TBCD: variants seen among roughly 807,000 people sequenced by gnomAD.
The protein encoded by TBCD is tubulin folding cofactor D.
A neutral mutation model predicts 169.3 loss-of-function variants in TBCD; 105 were observed. That is an observed-to-expected ratio of 0.62 (90% CI 0.53 to 0.73). TBCD has a LOEUF of 0.73. TBCD is among the 30% of genes least tolerant of loss of function. The pLI is 0.00. For missense variants in TBCD, 1,444 were observed against 1,600.1 expected (o/e 0.90, Z 1.66); for synonymous variants, 700 against 643.9 (o/e 1.09, Z -1.32).
intron 2 of TBCD, among the ~76,000 whole-genome samples, chr17:82,758,783 C>T (rs1335081686): frequency 6.6e-6 from 1 of 151,276 alleles, no homozygotes; most frequent in African/African-American, 2.4e-5. Flanking sequence ...CCTCAGCCTC[C>T]AGCGTAGCTG....
In TBCD at chr17:82,768,450, T is replaced by C; in HGVS notation, c.466T>C (p.Trp156Arg). 6.2e-7 allele frequency: 1 copy of C among 1,613,988 alleles called. No homozygotes were observed. The highest frequency in any genetic ancestry group is 8.5e-7 in the Non-Finnish European group (1 of 1,179,870). The change falls in exon 5 of 39, where the codon TGG (tryptophan) becomes CGG (arginine). Residue 156 changes from tryptophan (W) to arginine (R), a missense_variant. Trp to Arg is a moderately radical substitution (Grantham distance 101). Coordinates refer to ENST00000355528, the MANE Select transcript of TBCD (RefSeq NM_005993.5). ...AWETRYMLLLWLSVTCLIPFD... is the reference protein window; with the variant it reads ...AWETRYMLLLRLSVTCLIPFD... ...GGAAACCCGCTACATGCTTTTGCTC[T>C]GGCTCTCCGTGACCTGCCTGATCCC...
chr17:82,870,807 C>T (rs2057504489), intron 14 of TBCD, among the ~76,000 whole-genome samples: 2 of 152,222 alleles, frequency 1.3e-5, no homozygotes, highest in South Asian at 2.1e-4. Context: ...TGGCGAGAGG[C>T]GAATTCTGTC....
Position 82,832,471 on chromosome 17 carries a change from T to C in TBCD, c.1318+17537T>C, listed in dbSNP as rs749081438. The C allele has an allele frequency of 6.2e-7, 1 of 1,603,920 alleles. No individual in the cohort carries two copies. The highest frequency in any genetic ancestry group is 8.5e-7 in the Non-Finnish European group (1 of 1,178,222). On this transcript the variant is annotated intron_variant, in intron 13 of 38. Transcript: ENST00000355528. The surrounding 1 kb of genome is among the most constrained non-coding windows in gnomAD (Gnocchi z 4.9). ...GAGACTCATTTTCCTCCTTATGCCT[T>C]GGACTCTGGCTGTCCAGGTGGCGTG...
chr17:82,863,717 C>T (rs1389094173), intron 13 of TBCD, among the ~76,000 whole-genome samples: 1 of 152,160 alleles, frequency 6.6e-6, no homozygotes, highest in East Asian at 1.9e-4. Flanking sequence ...GACTGTAAGC[C>T]TCCTCGGGAA....
Position 82,814,896 on chromosome 17 carries a change from G to A in TBCD, c.1280G>A (p.Gly427Asp). The A allele has an allele frequency of 1.2e-6, 2 of 1,613,244 alleles. No individual in the cohort carries two copies. Among genetic ancestry groups the A allele is most frequent in the South Asian group, 2.2e-5 (2 of 90,960 alleles). Residue 427 changes from glycine to aspartate, a missense_variant, in exon 13 of 39, where the codon GGC (glycine) becomes GAC (aspartate). Coordinates refer to ENST00000355528, the MANE Select transcript of TBCD (RefSeq NM_005993.5). ...HGGCLALAEL[G>D]RRGLLLPSRL... ...GGATGTCTGGCGCTGGCAGAGCTGGGCAGGAGAGGCCTGTTGCTGCCGTCT... is the reference window on the plus strand; with the variant it reads ...GGATGTCTGGCGCTGGCAGAGCTGGACAGGAGAGGCCTGTTGCTGCCGTCT...
chr17:82,815,860 C>A (rs2051850945), intron 13 of TBCD, among the ~76,000 whole-genome samples: 1 of 151,960 alleles, frequency 6.6e-6, no homozygotes, highest in African/African-American at 2.4e-5. Flanking sequence ...TTTTTAATGT[C>A]TCTGCTTATT....
At chr17:82,907,269 G>A (rs918787683) in intron 20 of TBCD, among the ~76,000 whole-genome samples, 2 of 152,244 alleles carry the variant, frequency 1.3e-5, no homozygotes, top group Non-Finnish European at 2.9e-5. Flanking sequence ...GTGGACATGA[G>A]CTGTCGTCTC....
chr17:82,867,498 A>G (rs2057256939), intron 13 of TBCD, among the ~76,000 whole-genome samples: 1 of 152,216 alleles, frequency 6.6e-6, no homozygotes, highest in Non-Finnish European at 1.5e-5. Flanking sequence ...TGAAGGTGCC[A>G]CAGCCTGTTA....
At chr17:82,855,368 G>A (rs1213051311) in intron 13 of TBCD, among the ~76,000 whole-genome samples, 4 of 147,266 alleles carry the variant, frequency 2.7e-5, no homozygotes, top group Admixed American at 1.4e-4. Flanking sequence ...GGACTAAAGC[G>A]ATCCTTCCAC....
rs185107182 is a variant in TBCD at position 82,867,395 on chromosome 17, G to T, written c.1319-2829G>T. 9.8e-3 allele frequency among the ~76,000 whole-genome samples: 1,491 copies of T among 152,364 alleles called. 86 individuals carry two copies. The highest frequency in any genetic ancestry group is 0.088 in the Admixed American group (1,354 of 15,308). On this transcript the variant is annotated intron_variant, in intron 13 of 38. Transcript: ENST00000355528. ...CCCGAGGCTATGGAGTTGCCGGGTGGTCGTGCCTGGGGCTGCCTGGAGTGG... is the reference window on the plus strand; with the variant it reads ...CCCGAGGCTATGGAGTTGCCGGGTGTTCGTGCCTGGGGCTGCCTGGAGTGG...
At chr17:82,820,113 G>C (rs1247729266) in intron 13 of TBCD, among the ~76,000 whole-genome samples, 1 of 151,920 alleles carries the variant, frequency 6.6e-6, no homozygotes, top group Non-Finnish European at 1.5e-5. Context: ...CGAGTAGCTG[G>C]GAGTCAGGCG....
intron 7 of TBCD, among the ~76,000 whole-genome samples, chr17:82,788,428 C>A (rs746358378): frequency 6.6e-6 from 1 of 152,022 alleles, no homozygotes; most frequent in Non-Finnish European, 1.5e-5. Context: ...GACTGCGAGA[C>A]GGGGCTGTTG....
rs1270818737 is a variant in TBCD, at chr17:82,924,959, C to T, written c.2281C>T (p.Leu761=). The T allele has an allele frequency of 1.9e-6, 3 of 1,568,742 alleles. No individual in the cohort carries two copies. The highest frequency in any genetic ancestry group is 1.7e-4 in the Middle Eastern group (1 of 6,016). Residue 761 remains leucine (L), a synonymous_variant, in exon 27 of 39, where the codon CTG becomes TTG. Coordinates refer to ENST00000355528, the MANE Select transcript of TBCD (RefSeq NM_005993.5). ...AIQEELITQY[L]AELRNPEEMT... ...TTCAGAGGAGCTGATCACGCAGTACCTGGCTGAGCTTCGGAACCCCGAGGA... is the reference window on the plus strand; with the variant it reads ...TTCAGAGGAGCTGATCACGCAGTACTTGGCTGAGCTTCGGAACCCCGAGGA...
intron 13 of TBCD, among the ~76,000 whole-genome samples, chr17:82,857,228 T>C (rs1020747988): frequency 6.6e-6 from 1 of 152,244 alleles, no homozygotes; most frequent in African/African-American, 2.4e-5. Context: ...TGAGCATCTT[T>C]TCATGTGCTC....
In TBCD at chr17:82,871,452, T is replaced by C. The variant is rs183642003; in HGVS notation, c.1475+1072T>C. On this transcript the variant is annotated intron_variant, in intron 14 of 38. Coordinates refer to ENST00000355528, the MANE Select transcript of TBCD (RefSeq NM_005993.5). Reference sequence around the variant, plus strand: ...AGCCCACGGCTGAATCATCACAAGGTTTCACACCCGCACTTCACCTGACAA... The same window carrying C: ...AGCCCACGGCTGAATCATCACAAGGCTTCACACCCGCACTTCACCTGACAA... 5.0e-3 allele frequency among the ~76,000 whole-genome samples: 758 copies of C among 152,118 alleles called. 6 individuals are homozygous for C. Among genetic ancestry groups the C allele is most frequent in the African/African-American group, 0.017 (708 of 41,518 alleles).
At chr17:82,876,563 C>T (rs1278191765) in intron 14 of TBCD, among the ~76,000 whole-genome samples, 1 of 152,108 alleles carries the variant, frequency 6.6e-6, no homozygotes. Flanking sequence ...TCTCGATGAG[C>T]CAGTTTTGTT....
At chr17:82,876,316 C>A (rs1162587834) in intron 14 of TBCD, among the ~76,000 whole-genome samples, 1 of 152,162 alleles carries the variant, frequency 6.6e-6, no homozygotes, top group Non-Finnish European at 1.5e-5. Context: ...AGCAAACGGG[C>A]GAGGACACCT....
chr17:82,897,517 CAAAAAAAA>C (rs34695419), intron 17 of TBCD, among the ~76,000 whole-genome samples: 1 of 134,742 alleles, frequency 7.4e-6, no homozygotes, highest in African/African-American at 2.8e-5. Context: ...GACTCCGTCT[CAAAAAAAA>C]AAAAAAAAAT....
chr17:82,876,295 T>C (rs1244782924), intron 14 of TBCD, among the ~76,000 whole-genome samples: 1 of 152,134 alleles, frequency 6.6e-6, no homozygotes, highest in Non-Finnish European at 1.5e-5. Context: ...CACATAAACT[T>C]CTCCAGCGAA....
Sources: allele counts gnomAD v4.1 joint callset (sites outside exome capture counted in the v4.1 genomes callset), GRCh38; gene constraint gnomAD v4.1.1; non-coding constraint Gnocchi (gnomAD v3.1); transcripts MANE v1.5; gene names NCBI Gene and HGNC (gene_info 2026-07-23, HGNC 2026-07-21).